Variants in OR51B5 observed in about 807,000 individuals in gnomAD.
OR51B5 encodes the protein olfactory receptor family 51 subfamily B member 5, also known as olfactory receptor 51B5.
For synonymous variants in OR51B5, 186 were observed against 144.8 expected (o/e 1.28, Z -2.04); for missense variants, 456 against 374.6 (o/e 1.22, Z -1.79).
intron 1 of OR51B5, chr11:5,385,547 C>T (rs1292679068): frequency 6.6e-6 from 1 of 152,058 alleles, no homozygotes; most frequent in Non-Finnish European, 1.5e-5. Flanking sequence ...CACTGTCAGG[C>T]TCCAGGGGCC....
chr11:5,477,817 G>A (rs978441683), intron 1 of OR51B5, among the ~76,000 whole-genome samples: 7 of 152,272 alleles, frequency 4.6e-5, no homozygotes, highest in South Asian at 2.1e-4. Context: ...CTTAAAAAAC[G>A]GCGCACCATG....
At chr11:5,495,114 C>A (rs1303112518) in intron 1 of OR51B5, among the ~76,000 whole-genome samples, 1 of 152,084 alleles carries the variant, frequency 6.6e-6, no homozygotes, top group East Asian at 1.9e-4. Flanking sequence ...CCCTGGAGTC[C>A]AGATGAGAGG....
At chr11:5,352,955 C>G (rs562468255) in intron 1 of OR51B5, among the ~76,000 whole-genome samples, 1 of 149,794 alleles carries the variant, frequency 6.7e-6, no homozygotes. Flanking sequence ...TTTGGGTCAC[C>G]GGCATTTCAG....
chr11:5,408,037 C>T (rs894131014), intron 1 of OR51B5, among the ~76,000 whole-genome samples: 15 of 152,094 alleles, frequency 9.9e-5, no homozygotes, highest in African/African-American at 3.6e-4. Flanking sequence ...TTTCACAGGG[C>T]TTATGATACC....
At chr11:5,501,918 C>G (rs754894122) in intron 1 of OR51B5, among the ~76,000 whole-genome samples, 1 of 121,226 alleles carries the variant, frequency 8.2e-6, no homozygotes, top group Admixed American at 9.6e-5. Context: ...CCTCCCCCAG[C>G]GCCCCCAACC....
chr11:5,391,499 C>T (rs2033737916), intron 1 of OR51B5: 1 of 152,192 alleles, frequency 6.6e-6, no homozygotes, highest in African/African-American at 2.4e-5. Context: ...CAATGCCTAG[C>T]ACATGCCATA....
chr11:5,409,279 G>C (rs1240471140), intron 1 of OR51B5, among the ~76,000 whole-genome samples: 3 of 152,072 alleles, frequency 2.0e-5, no homozygotes, highest in Admixed American at 2.0e-4. Flanking sequence ...TTCCCTGGAG[G>C]CATATGTCAA....
chr11:5,437,315 A>G (rs1462312776), intron 1 of OR51B5, among the ~76,000 whole-genome samples: 1 of 152,122 alleles, frequency 6.6e-6, no homozygotes, highest in African/African-American at 2.4e-5. Flanking sequence ...GGCAAAACCT[A>G]AAGCTTAGAT....
At chr11:5,454,464 A>G (rs1850922054) in intron 1 of OR51B5, 1 of 1,498,042 alleles carries the variant, frequency 6.7e-7, no homozygotes, top group Non-Finnish European at 9.1e-7. Flanking sequence ...TATTTTGGCC[A>G]TAGGCTCTCA....
chr11:5,403,312 C>T (rs1453842745), intron 1 of OR51B5: 5 of 471,658 alleles, frequency 1.1e-5, no homozygotes, highest in South Asian at 6.2e-5. Flanking sequence ...AGGAAGAAGG[C>T]ACTCAACACA....
At chr11:5,404,645 T>C (rs550023485) in intron 1 of OR51B5, among the ~76,000 whole-genome samples, 16 of 152,328 alleles carry the variant, frequency 1.1e-4, no homozygotes, top group Middle Eastern at 6.8e-3. Flanking sequence ...CCTTGCACGC[T>C]GTGGAAGCTT....
intron 1 of OR51B5, among the ~76,000 whole-genome samples, chr11:5,436,323 G>T (rs1259659525): frequency 2.0e-5 from 3 of 152,162 alleles, no homozygotes; most frequent in Admixed American, 6.5e-5. Context: ...GGGCAGTGAA[G>T]GTGTTCAAGC....
chr11:5,402,990 C>T (rs531796540), intron 1 of OR51B5: 1 of 471,408 alleles, frequency 2.1e-6, no homozygotes, highest in East Asian at 6.9e-5. Context: ...CCATCTACAG[C>T]CCACTGAGCT....
chr11:5,411,519 A>G (rs1850149141), intron 1 of OR51B5, among the ~76,000 whole-genome samples: 2 of 152,202 alleles, frequency 1.3e-5, no homozygotes, highest in Non-Finnish European at 1.5e-5. Flanking sequence ...GGAAAATGAA[A>G]TAAGTCCCCA....
rs185346958 is a variant in OR51B5 at position 5,410,127 on chromosome 11, G to A, written n.85-63217C>T. Among the ~76,000 whole-genome samples, 905 of 152,172 alleles carry A rather than the reference G, an allele frequency of 5.9e-3. 6 individuals are homozygous for A. The highest frequency in any genetic ancestry group is 8.9e-3 in the Non-Finnish European group (606 of 67,964). On this transcript the variant is annotated intron_variant and non_coding_transcript_variant, in intron 1 of 4. Transcript: ENST00000415970. ...AGCAAACCTGCGTTATATCAAATAA[G>A]TTCTTTAGTCAAAAGGAAAATGAAC...
chr11:5,378,183 A>C (rs920135575), intron 1 of OR51B5, among the ~76,000 whole-genome samples: 5 of 151,984 alleles, frequency 3.3e-5, no homozygotes, highest in South Asian at 2.1e-4. Context: ...TGATCTTTGA[A>C]AAACCTGAGA....
At position 5,358,838 on chromosome 11, in the gene OR51B5, C is replaced by T. The variant is rs370522977; in HGVS notation, n.85-11928G>A. 7.7e-3 allele frequency among the ~76,000 whole-genome samples: 1,174 copies of T among 152,044 alleles called. 11 individuals are homozygous for T. Among genetic ancestry groups the T allele is most frequent in the African/African-American group, 0.024 (985 of 41,374 alleles). On this transcript the variant is annotated intron_variant and non_coding_transcript_variant, in intron 1 of 4. Coordinates refer to the OR51B5 transcript ENST00000415970. Reference sequence around the variant, plus strand: ...TCCCTGGGATGCAAGGCTGGTTCAACATATGCAAATCAATAAATGTAATCC... The same window carrying T: ...TCCCTGGGATGCAAGGCTGGTTCAATATATGCAAATCAATAAATGTAATCC...
At chr11:5,477,526 G>A (rs12283662) in intron 1 of OR51B5, among the ~76,000 whole-genome samples, 17,496 of 152,192 alleles carry the variant, frequency 0.11, 1,276 homozygotes, top group Admixed American at 0.17. Context: ...GGCCAAATAG[G>A]AACAGCTCCG....
In OR51B5 at chr11:5,388,902, G is replaced by T. The variant is rs188150882; in HGVS notation, n.85-41992C>A. ...ATTGGTTGATTAGATACTATGGAGA[G>T]ATGTGATATGGAGAAGTCTAACATA... On this transcript the variant is annotated intron_variant and non_coding_transcript_variant, in intron 1 of 4. Transcript: ENST00000415970. Among the ~76,000 whole-genome samples, 230 of 152,196 alleles carry T rather than the reference G, an allele frequency of 1.5e-3. 1 individual carries two copies. Among genetic ancestry groups the T allele is most frequent in the Non-Finnish European group, 2.6e-3 (178 of 68,018 alleles).
Sources: gnomAD v4.1 joint callset for allele counts (sites outside exome capture counted in the v4.1 genomes callset) on GRCh38, gnomAD v4.1.1 for gene constraint, MANE v1.5 for transcripts, NCBI Gene and HGNC (gene_info 2026-07-23, HGNC 2026-07-21) for gene names.